Variants in RPTOR observed in about 807,000 individuals in gnomAD.
RPTOR encodes the protein regulatory associated protein of MTOR complex 1.
In RPTOR, 21 loss-of-function variants were observed where a neutral mutation model predicts 169.9. The ratio of observed to expected loss-of-function variants is 0.12; its 90% CI spans 0.09 to 0.18. RPTOR has a LOEUF of 0.18. Ranked by LOEUF, RPTOR falls within the 10% of genes least tolerant of loss-of-function variation. The pLI is 1.00. For synonymous variants in RPTOR, 732 were observed against 753.2 expected, an observed-to-expected ratio of 0.97 and a Z score of 0.46; for missense variants, 1,133 against 1,855.9, an observed-to-expected ratio of 0.61 and a Z score of 7.16.
intron 17 of RPTOR, among the ~76,000 whole-genome samples, chr17:80,888,616 CAT>C (rs1469664931): frequency 1.3e-5 from 2 of 152,328 alleles, no homozygotes; most frequent in African/African-American, 4.8e-5. Flanking sequence ...CGGGGCAGGA[CAT>C]GTGTCCAAGA....
At chr17:80,745,126 A>T (rs959250272) in intron 5 of RPTOR, among the ~76,000 whole-genome samples, 2 of 152,214 alleles carry the variant, frequency 1.3e-5, no homozygotes, top group Admixed American at 6.5e-5. Flanking sequence ...ACTTTTTGAT[A>T]TAGAGGGTGA....
intron 24 of RPTOR, among the ~76,000 whole-genome samples, chr17:80,925,795 G>A (rs3817293): frequency 0.25 from 37,454 of 152,162 alleles, 5,079 homozygotes; most frequent in African/African-American, 0.36. Flanking sequence ...CCAAGGCCAC[G>A]CTTGCGTGGC....
chr17:80,873,915 C>T (rs945957382), intron 13 of RPTOR, among the ~76,000 whole-genome samples: 20 of 152,250 alleles, frequency 1.3e-4, no homozygotes, highest in African/African-American at 4.8e-4. Context: ...GTCGTGCAGA[C>T]GTGCAGAGAT....
rs1342344559 is a variant in RPTOR at position 80,625,682 on chromosome 17, T to C, written c.163-9T>C. ...AATATTTATTTATTTTTTTCTGTTG[T>C]GTTTTCAGATGAAGACAGTCAGTGT... On this transcript the variant is annotated splice_polypyrimidine_tract_variant and intron_variant, in intron 1 of 33. Transcript: ENST00000306801. 6.4e-7 allele frequency: 1 copy of C among 1,569,466 alleles called. No individual in the cohort carries two copies. Among genetic ancestry groups the C allele is most frequent in the African/African-American group, 1.3e-5 (1 of 74,100 alleles).
intron 20 of RPTOR, among the ~76,000 whole-genome samples, chr17:80,908,458 G>A (rs1305150805): frequency 2.0e-5 from 3 of 152,224 alleles, no homozygotes; most frequent in African/African-American, 7.2e-5. Context: ...CCCATGGGCT[G>A]CGGCAGCTCC....
At chr17:80,770,381 G>T (rs1343177247) in intron 6 of RPTOR, among the ~76,000 whole-genome samples, 2 of 152,186 alleles carry the variant, frequency 1.3e-5, no homozygotes, top group Admixed American at 6.5e-5. Context: ...GGAAATGAAA[G>T]CCTGTTTGAG....
intron 1 of RPTOR, among the ~76,000 whole-genome samples, chr17:80,560,566 A>T (rs1030176659): frequency 6.6e-6 from 1 of 152,090 alleles, no homozygotes; most frequent in African/African-American, 2.4e-5. Flanking sequence ...TAGCTGAAAC[A>T]GAATGGAAGG....
intron 5 of RPTOR, among the ~76,000 whole-genome samples, chr17:80,736,211 A>G (rs1452214379): frequency 2.0e-5 from 3 of 151,950 alleles, no homozygotes; most frequent in Non-Finnish European, 1.5e-5. Context: ...CATGGGCACA[A>G]TTCACTTCTC....
intron 10 of RPTOR, among the ~76,000 whole-genome samples, chr17:80,838,978 G>T (rs996577631): frequency 6.6e-6 from 1 of 152,266 alleles, no homozygotes; most frequent in African/African-American, 2.4e-5. Flanking sequence ...CACTGCCCCA[G>T]AGCCAGCTGT....
In RPTOR at chr17:80,889,823, G is replaced by A. The variant is rs182416792; in HGVS notation, c.1984-1897G>A. On this transcript the variant is annotated intron_variant, in intron 17 of 33. Transcript: ENST00000306801. Reference sequence around the variant, plus strand: ...CGGCCTCCAAGGGAGGCCCCCGTACGCAGCAGGATGTGCGGCCTCCGAGGG... The same window carrying A: ...CGGCCTCCAAGGGAGGCCCCCGTACACAGCAGGATGTGCGGCCTCCGAGGG... 2.2e-3 allele frequency among the ~76,000 whole-genome samples: 272 copies of A among 125,844 alleles called. 8 individuals are homozygous for A. The highest frequency in any genetic ancestry group is 7.4e-3 in the African/African-American group (248 of 33,700). The allele number at this position is 125,844 out of a possible 152,430, so 82.6% of individuals were successfully genotyped here.
rs138087399 is a variant in RPTOR at position 80,824,795 on chromosome 17, T to G, written c.1136+1572T>G. 1.7e-3 allele frequency among the ~76,000 whole-genome samples: 255 copies of G among 152,334 alleles called. 2 individuals are homozygous for G. Among genetic ancestry groups the G allele is most frequent in the African/African-American group, 5.6e-3 (234 of 41,578 alleles). On this transcript the variant is annotated intron_variant, in intron 9 of 33. Transcript: ENST00000306801. ...TGTTTTCTCCAGATGTAAAAGCACC[T>G]CCTATCTGATGTGCTCAGCTGCGCA... is the stretch of plus-strand genomic sequence containing the variant.
chr17:80,718,807 C>T (rs2066260616), intron 4 of RPTOR, among the ~76,000 whole-genome samples: 1 of 152,190 alleles, frequency 6.6e-6, no homozygotes, highest in South Asian at 2.1e-4. Context: ...AGGCATAGAG[C>T]ACCTCGCAGA....
intron 9 of RPTOR, among the ~76,000 whole-genome samples, chr17:80,828,830 G>A (rs2067473091): frequency 1.3e-5 from 2 of 151,236 alleles, no homozygotes; most frequent in South Asian, 2.1e-4. Flanking sequence ...GAATAGGAAC[G>A]TAAATTCAGA....
chr17:80,765,948 C>T (rs2066782749), intron 6 of RPTOR, among the ~76,000 whole-genome samples: 1 of 152,186 alleles, frequency 6.6e-6, no homozygotes. Context: ...TATTAGAATT[C>T]CTGACCCCCA....
At chr17:80,710,254 C>G (rs1015181574) in intron 4 of RPTOR, among the ~76,000 whole-genome samples, 8 of 152,112 alleles carry the variant, frequency 5.3e-5, no homozygotes, top group African/African-American at 1.7e-4. Context: ...CTCAGCCTCC[C>G]AAAGTGCTGG....
At chr17:80,786,975 A>C (rs2066998744) in intron 6 of RPTOR, among the ~76,000 whole-genome samples, 1 of 152,168 alleles carries the variant, frequency 6.6e-6, no homozygotes, top group African/African-American at 2.4e-5. Flanking sequence ...TTATAGCATA[A>C]TGGGTTTCCT....
chr17:80,804,562 C>G (rs2067198436), intron 7 of RPTOR: 1 of 152,288 alleles, frequency 6.6e-6, no homozygotes, highest in East Asian at 1.9e-4. Flanking sequence ...CGCCCCGTCC[C>G]AGGGAGGACA....
intron 7 of RPTOR, among the ~76,000 whole-genome samples, chr17:80,792,354 T>C (rs954433180): frequency 5.9e-5 from 9 of 152,208 alleles, no homozygotes; most frequent in African/African-American, 1.7e-4. Flanking sequence ...CTTCCAAGTT[T>C]CTCTTGTAAA....
Position 80,744,898 on chromosome 17 carries a change from C to G in RPTOR, c.655-9112C>G, listed in dbSNP as rs1445298072. Among the ~76,000 whole-genome samples, 5 of 142,372 alleles carry G rather than the reference C, an allele frequency of 3.5e-5. 2 individuals carry two copies. Among genetic ancestry groups the G allele is most frequent in the Admixed American group, 1.4e-4 (2 of 14,480 alleles). 93.4% of individuals were successfully genotyped at this position (142,372 alleles called of 152,430 possible). A position where few individuals can be genotyped will look rare whatever the true frequency, so the allele number is the denominator to read the frequency against. ...ACGAGCACAGCCCTGGCTACTAGCACTGTCCTGGCTACTAGCACAGCCCTG... is the reference window on the plus strand; with the variant it reads ...ACGAGCACAGCCCTGGCTACTAGCAGTGTCCTGGCTACTAGCACAGCCCTG... On this transcript the variant is annotated intron_variant, in intron 5 of 33. Coordinates refer to ENST00000306801, the MANE Select transcript of RPTOR (RefSeq NM_020761.3).
Sources: allele counts gnomAD v4.1 joint callset (sites outside exome capture counted in the v4.1 genomes callset), GRCh38; gene constraint gnomAD v4.1.1; transcripts MANE v1.5; gene names NCBI Gene and HGNC (gene_info 2026-07-23, HGNC 2026-07-21).